Variants in INPP4B observed in about 807,000 individuals in gnomAD.
INPP4B encodes inositol polyphosphate 4-phosphatase type II.
In INPP4B, 55 loss-of-function variants were observed where a neutral mutation model predicts 122.5. The observed-to-expected ratio is 0.45, with a 90% CI of 0.36 to 0.56. The LOEUF (loss-of-function observed/expected upper bound fraction) is 0.56, where lower values mean the gene tolerates loss of function less well. Ranked by LOEUF, INPP4B falls within the 20% of genes least tolerant of loss-of-function variation. The probability of loss-of-function intolerance (pLI) is 0.00; values close to 1 mark genes in which losing one functional copy is unlikely to be tolerated. For missense variants in INPP4B, 1,000 were observed against 1,097.7 expected (o/e 0.91, Z 1.26); for synonymous variants, 403 against 388.7 (o/e 1.04, Z -0.43).
chr4:142,298,372 A>T (rs1239338335), intron 9 of INPP4B, among the ~76,000 whole-genome samples: 3 of 152,076 alleles, frequency 2.0e-5, no homozygotes, highest in Non-Finnish European at 4.4e-5. Context: ...GCCAGGTTTG[A>T]AGTCTTCTCT....
At chr4:142,641,517 G>A (rs1160403372) in intron 2 of INPP4B, among the ~76,000 whole-genome samples, 1 of 151,394 alleles carries the variant, frequency 6.6e-6, no homozygotes, top group East Asian at 1.9e-4. Context: ...AGAACATGCG[G>A]TGTTTGGTTT....
chr4:142,436,959 A>G (rs1810665410), intron 3 of INPP4B, among the ~76,000 whole-genome samples: 1 of 152,076 alleles, frequency 6.6e-6, no homozygotes, highest in Non-Finnish European at 1.5e-5. Context: ...GTAACAACAA[A>G]TTTTGCTGAG....
At chr4:142,475,030 T>C (rs988222840) in intron 2 of INPP4B, among the ~76,000 whole-genome samples, 1 of 152,166 alleles carries the variant, frequency 6.6e-6, no homozygotes. Context: ...GGTGCAACCT[T>C]GTGATCTCCC....
chr4:142,716,999 A>T (rs1560992052), intron 2 of INPP4B, among the ~76,000 whole-genome samples: 1 of 152,244 alleles, frequency 6.6e-6, no homozygotes, highest in Non-Finnish European at 1.5e-5. Context: ...AATGGTTACT[A>T]TGATCAATCT....
rs564509722 is a variant in INPP4B, at chr4:142,605,761, G to A, written c.-191+120078C>T. 1.3e-4 allele frequency among the ~76,000 whole-genome samples: 19 copies of A among 151,792 alleles called. No homozygotes were observed. The South Asian group carries it at 3.9e-3, about 32-fold the overall frequency. On this transcript the variant is annotated intron_variant, in intron 2 of 25. Coordinates refer to ENST00000262992, the MANE Select transcript of INPP4B (RefSeq NM_001101669.3). ...ATCTCACTCCAGTTAGACAAGACAG[G>A]TGATAATGCAGAGGAAAGAAAACTT...
chr4:142,305,455 C>A lies in INPP4B; in HGVS notation c.503+3G>T. On this transcript the variant is annotated splice_donor_region_variant and intron_variant, in intron 9 of 25. Transcript: ENST00000262992. The stretch of plus-strand genomic sequence containing the variant: ...CAGTATTTCTACAAACAAAGAGACC[C>A]ACCTCAGGCTCAGGACCAGCAATTG... The A allele has an allele frequency of 2.5e-6, 4 of 1,607,488 alleles. No individual in the cohort carries two copies. The African/African-American group carries it at 5.3e-5, about 21-fold the overall frequency.
intron 3 of INPP4B, among the ~76,000 whole-genome samples, chr4:142,461,042 A>C (rs1043750431): frequency 5.3e-5 from 8 of 152,058 alleles, no homozygotes; most frequent in Admixed American, 5.2e-4. Context: ...ATGGTGGTGC[A>C]TGCCTGTAGT....
At chr4:142,476,932 C>A (rs1412678347) in intron 2 of INPP4B, among the ~76,000 whole-genome samples, 1 of 152,110 alleles carries the variant, frequency 6.6e-6, no homozygotes, top group Non-Finnish European at 1.5e-5. Context: ...ATATTCAAGA[C>A]CTGAACTTGA....
intron 7 of INPP4B, chr4:142,384,131 T>G: frequency 1.4e-6 from 1 of 702,054 alleles, no homozygotes. Flanking sequence ...GGAAGAAAAG[T>G]GTGATCAGTA....
chr4:142,438,170 T>A (rs765334932), intron 3 of INPP4B, among the ~76,000 whole-genome samples: 1 of 152,152 alleles, frequency 6.6e-6, no homozygotes, highest in Non-Finnish European at 1.5e-5. Flanking sequence ...CAAACTACCA[T>A]TGACATTCTT....
intron 1 of INPP4B, among the ~76,000 whole-genome samples, chr4:142,731,323 CCTTTTGCATTT>C (rs1766054165): frequency 6.6e-6 from 1 of 152,098 alleles, no homozygotes; most frequent in Non-Finnish European, 1.5e-5. Context: ...TAAATGCAAT[CCTTTTGCATTT>C]CTCTGTGTCT....
In INPP4B at chr4:142,267,042, T is replaced by C. The variant is rs184041259; in HGVS notation, c.615+3621A>G. On this transcript the variant is annotated intron_variant, in intron 10 of 25. Coordinates refer to ENST00000262992, the MANE Select transcript of INPP4B (RefSeq NM_001101669.3). ...TGTACTGAAAACTATAAAACATTAA[T>C]GAAAAAAAGTTGTAGATAACACAGA... Among the ~76,000 whole-genome samples the C allele has an allele frequency of 2.6e-3, 398 of 152,152 alleles. 3 individuals are homozygous for C. The highest frequency in any genetic ancestry group is 4.4e-3 in the Non-Finnish European group (301 of 67,964).
intron 12 of INPP4B, among the ~76,000 whole-genome samples, chr4:142,232,513 T>C (rs1854842393): frequency 6.6e-6 from 1 of 152,020 alleles, no homozygotes; most frequent in Admixed American, 6.6e-5. Context: ...TCAATAAATG[T>C]TGTGTGTTCA....
intron 9 of INPP4B, among the ~76,000 whole-genome samples, chr4:142,287,937 G>A (rs1039867163): frequency 6.6e-6 from 1 of 152,192 alleles, no homozygotes. Flanking sequence ...CTCTCTTCCT[G>A]GCTTGCCAGT....
chr4:142,523,146 T>C (rs1026346242), intron 2 of INPP4B, among the ~76,000 whole-genome samples: 1 of 152,110 alleles, frequency 6.6e-6, no homozygotes, highest in Non-Finnish European at 1.5e-5. Context: ...TCAAAGTTGT[T>C]CCAGCATGAA....
chr4:142,136,755 G>C (rs929084036), intron 18 of INPP4B, among the ~76,000 whole-genome samples: 3 of 152,188 alleles, frequency 2.0e-5, no homozygotes, highest in Non-Finnish European at 2.9e-5. Context: ...CCTTGTAAAA[G>C]AGGGAGAAAG....
chr4:142,350,231 T>C (rs996345757), intron 7 of INPP4B, among the ~76,000 whole-genome samples: 11 of 152,042 alleles, frequency 7.2e-5, no homozygotes, highest in Admixed American at 3.3e-4. Flanking sequence ...ACATATTGTA[T>C]GTCCTTGCTT....
chr4:142,335,102 A>C (rs1286023021), intron 7 of INPP4B, among the ~76,000 whole-genome samples: 1 of 138,960 alleles, frequency 7.2e-6, no homozygotes, highest in African/African-American at 2.7e-5. Flanking sequence ...ACTTCCTGGG[A>C]AAAATGAAAA....
intron 2 of INPP4B, among the ~76,000 whole-genome samples, chr4:142,689,107 C>T (rs939874930): frequency 6.6e-6 from 1 of 152,164 alleles, no homozygotes; most frequent in Non-Finnish European, 1.5e-5. Context: ...AAACTCTGGT[C>T]TCCCATACAG....
Sources: allele counts gnomAD v4.1 joint callset (sites outside exome capture counted in the v4.1 genomes callset), GRCh38; gene constraint gnomAD v4.1.1; transcripts MANE v1.5; gene names NCBI Gene and HGNC (gene_info 2026-07-23, HGNC 2026-07-21).